ZRANB3: variants seen among roughly 807,000 people sequenced by gnomAD.
The protein encoded by ZRANB3 is zinc finger RANBP2-type containing 3, also known as DNA annealing helicase and endonuclease ZRANB3.
In ZRANB3, 125 loss-of-function variants were observed where a neutral mutation model predicts 133.8. That is an observed-to-expected ratio of 0.93 (90% confidence interval 0.81 to 1.08). The LOEUF (loss-of-function observed/expected upper bound fraction) is 1.08. Ranked by LOEUF, ZRANB3 falls within the 50% of genes least tolerant of loss-of-function variation. The pLI, the probability that ZRANB3 is intolerant of heterozygous loss-of-function variation, is 0.00. For missense variants in ZRANB3, 1,229 were observed against 1,275.5 expected, an observed-to-expected ratio of 0.96 and a Z score of 0.56; for synonymous variants, 387 against 432.7, an observed-to-expected ratio of 0.89 and a Z score of 1.31.
chr2:135,418,938 T>C (rs1272473360), intron 2 of ZRANB3, among the ~76,000 whole-genome samples: 18 of 108,026 alleles, frequency 1.7e-4, no homozygotes, highest in South Asian at 3.0e-4. Flanking sequence ...TTTTTTTTTT[T>C]TTTTTTTTTT....
At chr2:135,468,862 T>C (rs1691122743) in intron 2 of ZRANB3, among the ~76,000 whole-genome samples, 1 of 152,200 alleles carries the variant, frequency 6.6e-6, no homozygotes, top group Admixed American at 6.5e-5. Flanking sequence ...TGGTCATAAG[T>C]AGCCTGAATT....
chr2:135,342,628 TA>T (rs1172538443), intron 6 of ZRANB3, among the ~76,000 whole-genome samples: 1 of 149,020 alleles, frequency 6.7e-6, no homozygotes, highest in Non-Finnish European at 1.5e-5. Context: ...TTTTTTTAAG[TA>T]AAAAAATTTT....
At chr2:135,232,637 A>G (rs1338299828) in intron 12 of ZRANB3, among the ~76,000 whole-genome samples, 1 of 152,192 alleles carries the variant, frequency 6.6e-6, no homozygotes, top group Non-Finnish European at 1.5e-5. Flanking sequence ...GCTGTTCACC[A>G]ATATCCGCTG....
rs1189594411 is a variant in ZRANB3, at chr2:135,277,521, AC to A, written c.967-1767del. 3.3e-5 allele frequency among the ~76,000 whole-genome samples: 5 copies of A among 152,374 alleles called. No individual in the cohort carries two copies. The East Asian group carries it at 5.8e-4, about 18-fold the overall frequency. ...ACAAGATCAGTATGCTACAAAAAAAACAGATATAAAGAAGAAAAACAGTACT... is the reference window on the plus strand; with the variant it reads ...ACAAGATCAGTATGCTACAAAAAAAAAGATATAAAGAAGAAAAACAGTACT... On this transcript the variant is annotated intron_variant, in intron 8 of 20. Coordinates refer to ENST00000264159, the MANE Select transcript of ZRANB3 (RefSeq NM_032143.4).
rs549794998 is a variant in ZRANB3 at position 135,350,141 on chromosome 2, G to A, written c.434C>T (p.Ala145Val). ...TACTTTGAAGTTCTGATTATTCAGTGCATCTATCAAAGTCTTTGCATCTGC... is the reference window on the plus strand; with the variant it reads ...TACTTTGAAGTTCTGATTATTCAGTACATCTATCAAAGTCTTTGCATCTGC... The part of the protein sequence containing the change: ...LTADAKTLID[A>V]LNNQNFKVVI... Residue 145 changes from alanine (A) to valine (V), a missense_variant, in exon 5 of 21, where the codon GCA becomes GTA. By Grantham distance (64) the Ala-to-Val change is moderately conservative. Coordinates refer to ENST00000264159, the MANE Select transcript of ZRANB3 (RefSeq NM_032143.4). The A allele has an allele frequency of 9.1e-5, 147 of 1,613,138 alleles. No individual in the cohort carries two copies. The highest frequency in any genetic ancestry group is 1.2e-4 in the Non-Finnish European group (142 of 1,179,636).
At chr2:135,414,736 G>A (rs1018683046) in intron 2 of ZRANB3, among the ~76,000 whole-genome samples, 16 of 152,080 alleles carry the variant, frequency 1.1e-4, no homozygotes, top group East Asian at 9.6e-4. Context: ...TAAAAGAACA[G>A]AAATTATAAC....
At chr2:135,223,793 G>T (rs576221670) in intron 15 of ZRANB3, among the ~76,000 whole-genome samples, 4 of 152,314 alleles carry the variant, frequency 2.6e-5, no homozygotes, top group Admixed American at 2.6e-4. Flanking sequence ...GCCTATGGCA[G>T]GAATCAGCAA....
At position 135,202,934 on chromosome 2, in the gene ZRANB3, T is replaced by C; in HGVS notation, c.3039A>G (p.Glu1013=). ...TGTGATCCACCTGCCAGAAATGTCC[T>C]TCCCCTGGGTTTCTTATCATTTCAT... ...QLNEMIRNPG[E]GHFWQVDHIK... The change falls in exon 20 of 21, where the codon GAA becomes GAG. Residue 1013 remains glutamate, a synonymous_variant. Coordinates refer to ENST00000264159, the MANE Select transcript of ZRANB3 (RefSeq NM_032143.4). 6.2e-7 allele frequency: 1 copy of C among 1,612,836 alleles called. No homozygotes were observed. Among genetic ancestry groups the C allele is most frequent in the Middle Eastern group, 1.7e-4 (1 of 6,058 alleles).
intron 2 of ZRANB3, among the ~76,000 whole-genome samples, chr2:135,461,745 G>A (rs546188015): frequency 1.6e-4 from 25 of 152,160 alleles, no homozygotes; most frequent in Non-Finnish European, 3.7e-4. Context: ...GATGATACTA[G>A]TTCTGAAGTC....
At chr2:135,270,689 A>C (rs1422632907) in intron 10 of ZRANB3, among the ~76,000 whole-genome samples, 1 of 152,046 alleles carries the variant, frequency 6.6e-6, no homozygotes, top group Non-Finnish European at 1.5e-5. Context: ...TTTGGTTAGA[A>C]CTCCCAGAGA....
chr2:135,343,486 A>G (rs1684788012), intron 6 of ZRANB3, among the ~76,000 whole-genome samples: 1 of 149,522 alleles, frequency 6.7e-6, no homozygotes. Flanking sequence ...ATTAAGTGTT[A>G]GACTGACTTC....
chr2:135,482,934 T>C (rs1691900737), intron 2 of ZRANB3, among the ~76,000 whole-genome samples: 1 of 151,968 alleles, frequency 6.6e-6, no homozygotes, highest in African/African-American at 2.4e-5. Flanking sequence ...GATTTGCATA[T>C]ATTGAACCAG....
At chr2:135,368,721 C>T (rs1686043103) in intron 3 of ZRANB3, among the ~76,000 whole-genome samples, 1 of 151,688 alleles carries the variant, frequency 6.6e-6, no homozygotes, top group African/African-American at 2.4e-5. Context: ...ACATTGTATG[C>T]CTGTATCAAA....
rs1230820762 is a variant in ZRANB3 at position 135,481,950 on chromosome 2, G to T, written c.161+22379C>A. On this transcript the variant is annotated intron_variant, in intron 2 of 20. Transcript: ENST00000264159. Reference sequence around the variant, plus strand: ...TAGATATGCGGCGTTATTTCTGAGGGCTCTGTTCTGTTCCATTGATCTATA... The same window carrying T: ...TAGATATGCGGCGTTATTTCTGAGGTCTCTGTTCTGTTCCATTGATCTATA... Among the ~76,000 whole-genome samples, 151 of 138,172 alleles carry T rather than the reference G, an allele frequency of 1.1e-3. 4 individuals are homozygous for T. The East Asian group carries it at 0.03, about 27-fold the overall frequency. 90.6% of individuals were successfully genotyped at this position (138,172 alleles called of 152,430 possible). A position where few individuals can be genotyped will look rare whatever the true frequency, so the allele number is the denominator to read the frequency against.
rs1175430262 is a variant in ZRANB3 at position 135,235,894 on chromosome 2, G to C, written c.1540-4967C>G. Among the ~76,000 whole-genome samples, 97 of 151,506 alleles carry C rather than the reference G, an allele frequency of 6.4e-4. No homozygotes were observed. In the East Asian group the frequency reaches 9.1e-3, roughly 14 times the overall value. ...AACTGGCACAAGACAGGGATGCCCTGTCTCACCACTCCTATTCAACATAGT... is the reference window on the plus strand; with the variant it reads ...AACTGGCACAAGACAGGGATGCCCTCTCTCACCACTCCTATTCAACATAGT... On this transcript the variant is annotated intron_variant, in intron 12 of 20. Transcript: ENST00000264159.
At position 135,296,612 on chromosome 2, in the gene ZRANB3, G is replaced by A. The variant is rs181778638; in HGVS notation, c.966+16877C>T. 4.6e-5 allele frequency among the ~76,000 whole-genome samples: 7 copies of A among 152,208 alleles called. No homozygotes were observed. In the East Asian group the frequency reaches 1.3e-3, roughly 29 times the overall value. On this transcript the variant is annotated intron_variant, in intron 8 of 20. Transcript: ENST00000264159. ...GTCGTTCTCCATCCAGCTTTGTTCT[G>A]TTGCTGGTGAGGAGCTGCGTTCCTT...
chr2:135,259,306 G>T (rs1158223797), intron 12 of ZRANB3, among the ~76,000 whole-genome samples: 1 of 143,180 alleles, frequency 7.0e-6, no homozygotes, highest in African/African-American at 2.8e-5. Context: ...ACAGGCAAGA[G>T]CCACCGCTCT....
intron 2 of ZRANB3, among the ~76,000 whole-genome samples, chr2:135,412,361 G>A (rs1022027001): frequency 6.6e-6 from 1 of 152,000 alleles, no homozygotes; most frequent in Non-Finnish European, 1.5e-5. Context: ...TCAACATTGA[G>A]TTATCAAGTA....
chr2:135,200,487 CG>C, intron 20 of ZRANB3, 47 bp from the exon 21 acceptor site: 1 of 1,453,598 alleles, frequency 6.9e-7, no homozygotes, highest in South Asian at 1.3e-5. Flanking sequence ...AAAAAAGCAC[CG>C]GCTACAAAAG....
Sources: gnomAD v4.1 joint callset for allele counts (sites outside exome capture counted in the v4.1 genomes callset) on GRCh38, gnomAD v4.1.1 for gene constraint, MANE v1.5 for transcripts, NCBI Gene and HGNC (gene_info 2026-07-23, HGNC 2026-07-21) for gene names.